The following CCSER1 variants were observed in gnomAD, a reference collection of about 807,000 sequenced individuals.
The protein encoded by CCSER1 is serine-rich coiled-coil domain-containing protein 1.
Under a neutral mutation model 82.0 loss-of-function variants are expected in CCSER1, and 41 were observed. That is an observed-to-expected ratio of 0.50 (90% CI 0.39 to 0.65). CCSER1 has a LOEUF of 0.65. Ranked by LOEUF, CCSER1 falls within the 30% of genes least tolerant of loss-of-function variation. The pLI is 0.00. For synonymous variants in CCSER1, 414 were observed against 383.9 expected (o/e 1.08, Z -0.92); for missense variants, 1,119 against 1,064.2 (o/e 1.05, Z -0.72).
intron 6 of CCSER1, among the ~76,000 whole-genome samples, chr4:90,632,316 A>G (rs1724598774): frequency 6.6e-6 from 1 of 152,056 alleles, no homozygotes. Flanking sequence ...TAATTGCATT[A>G]CTTATTATTC....
At chr4:90,134,061 G>C (rs1405538049) in intron 1 of CCSER1, among the ~76,000 whole-genome samples, 3 of 152,160 alleles carry the variant, frequency 2.0e-5, no homozygotes, top group Non-Finnish European at 4.4e-5. Flanking sequence ...AGCAATGACT[G>C]TAATGTGCTG....
chr4:91,122,928 T>A (rs769015174), intron 10 of CCSER1, among the ~76,000 whole-genome samples: 1 of 151,736 alleles, frequency 6.6e-6, no homozygotes, highest in Non-Finnish European at 1.5e-5. Context: ...GAATCAATTC[T>A]ATTGCATTAC....
chr4:90,361,344 A>G (rs913985456), intron 3 of CCSER1, among the ~76,000 whole-genome samples: 2 of 152,114 alleles, frequency 1.3e-5, no homozygotes, highest in Admixed American at 6.5e-5. Context: ...CTCCCTCTCT[A>G]TTTCCATTTG....
At chr4:91,315,214 GCAGA>G (rs1745748773) in intron 10 of CCSER1, among the ~76,000 whole-genome samples, 2 of 151,474 alleles carry the variant, frequency 1.3e-5, no homozygotes, top group South Asian at 2.1e-4. Context: ...CTCTCAGGAG[GCAGA>G]CAAAGAGTAA....
chr4:91,091,847 A>C (rs145996822), intron 10 of CCSER1, among the ~76,000 whole-genome samples: 172 of 152,252 alleles, frequency 1.1e-3, no homozygotes, highest in Non-Finnish European at 1.3e-3. Context: ...CACCTGGAGA[A>C]AAAGGGTGAA....
chr4:91,082,229 G>A (rs1483782099), intron 9 of CCSER1, among the ~76,000 whole-genome samples: 1 of 152,018 alleles, frequency 6.6e-6, no homozygotes, highest in African/African-American at 2.4e-5. Flanking sequence ...ATAGACCAAT[G>A]GAACAGAAAA....
chr4:90,979,995 A>AAT (rs1554053403), intron 9 of CCSER1, among the ~76,000 whole-genome samples: 3 of 151,634 alleles, frequency 2.0e-5, no homozygotes, highest in Non-Finnish European at 3.0e-5. Flanking sequence ...ACTAAAAAAA[A>AAT]ATAATAAACT....
chr4:90,910,796 C>G (rs1261351861), intron 8 of CCSER1, among the ~76,000 whole-genome samples: 1 of 152,210 alleles, frequency 6.6e-6, no homozygotes, highest in Non-Finnish European at 1.5e-5. Context: ...TTGTCCTTTT[C>G]TGCAATTTTT....
intron 10 of CCSER1, among the ~76,000 whole-genome samples, chr4:91,231,650 C>T (rs1201515005): frequency 6.6e-6 from 1 of 151,672 alleles, no homozygotes; most frequent in Non-Finnish European, 1.5e-5. Flanking sequence ...TTGCATGATA[C>T]ATCATTTATG....
intron 6 of CCSER1, among the ~76,000 whole-genome samples, chr4:90,671,606 A>G (rs922386632): frequency 6.6e-6 from 1 of 152,054 alleles, no homozygotes; most frequent in East Asian, 1.9e-4. Flanking sequence ...GAAGTCTTGA[A>G]CCTTTCAAAG....
intron 10 of CCSER1, among the ~76,000 whole-genome samples, chr4:91,559,998 A>G (rs896958454): frequency 5.9e-5 from 9 of 151,534 alleles, no homozygotes; most frequent in African/African-American, 2.2e-4. Flanking sequence ...AAGGCTTTTT[A>G]TTACATGTGT....
chr4:90,892,617 A>AT (rs34978584), intron 8 of CCSER1, among the ~76,000 whole-genome samples: 46,908 of 151,444 alleles, frequency 0.31, 8,031 homozygotes, highest in Non-Finnish European at 0.4. Flanking sequence ...TTAATTTCTA[A>AT]TTTTTTCCCA....
intron 10 of CCSER1, among the ~76,000 whole-genome samples, chr4:91,253,024 A>G (rs1224078787): frequency 6.6e-6 from 1 of 152,176 alleles, no homozygotes; most frequent in East Asian, 1.9e-4. Context: ...CTAAAAAAAA[A>G]AAGAGGGTGA....
intron 6 of CCSER1, among the ~76,000 whole-genome samples, chr4:90,718,168 A>G (rs940373700): frequency 7.2e-5 from 11 of 152,156 alleles, no homozygotes; most frequent in Non-Finnish European, 1.3e-4. Flanking sequence ...TACAACTATG[A>G]GAATACATCC....
chr4:91,249,983 A>G (rs542801735), intron 10 of CCSER1, among the ~76,000 whole-genome samples: 2 of 151,938 alleles, frequency 1.3e-5, no homozygotes, highest in Non-Finnish European at 2.9e-5. Context: ...AGAATGCAAG[A>G]TGTTCAAAAC....
At chr4:90,933,142 T>TGA (rs1224775864) in intron 9 of CCSER1, among the ~76,000 whole-genome samples, 1 of 105,732 alleles carries the variant, frequency 9.5e-6, no homozygotes, top group East Asian at 2.4e-4. Context: ...AGTGTGTGTG[T>TGA]GTGTGTGTGT....
chr4:90,911,878 A>T (rs954853603), intron 8 of CCSER1, among the ~76,000 whole-genome samples: 3 of 152,158 alleles, frequency 2.0e-5, no homozygotes, highest in Non-Finnish European at 4.4e-5. Flanking sequence ...AGCCTCGCTC[A>T]TTGCTAGCAC....
intron 6 of CCSER1, among the ~76,000 whole-genome samples, chr4:90,685,276 C>G: frequency 6.6e-6 from 1 of 152,082 alleles, no homozygotes; most frequent in East Asian, 1.9e-4. Flanking sequence ...CCAAGCAACA[C>G]TTCCAGACTC....
intron 7 of CCSER1, among the ~76,000 whole-genome samples, chr4:90,806,866 C>CTTT (rs11412984): frequency 6.1e-5 from 9 of 146,798 alleles, no homozygotes; most frequent in South Asian, 4.3e-4. Flanking sequence ...GAATCCTCTT[C>CTTT]TTTTTTTTTT....
Sources: gnomAD v4.1 joint callset for allele counts (sites outside exome capture counted in the v4.1 genomes callset) on GRCh38, gnomAD v4.1.1 for gene constraint, MANE v1.5 for transcripts, NCBI Gene and HGNC (gene_info 2026-07-23, HGNC 2026-07-21) for gene names.